Variants in INPP4B observed in about 807,000 individuals in gnomAD.
INPP4B encodes inositol polyphosphate 4-phosphatase type II.
Under a neutral mutation model 122.5 loss-of-function variants are expected in INPP4B, and 55 were observed. That is an observed-to-expected ratio of 0.45 (90% CI 0.36 to 0.56). The LOEUF is 0.56. INPP4B is among the 20% of genes least tolerant of loss of function. INPP4B has a pLI of 0.00. For synonymous variants in INPP4B, 403 were observed against 388.7 expected, an observed-to-expected ratio of 1.04 and a Z score of -0.43; for missense variants, 1,000 against 1,097.7, an observed-to-expected ratio of 0.91 and a Z score of 1.26.
chr4:142,073,272 T>C (rs1206750493), intron 25 of INPP4B, among the ~76,000 whole-genome samples: 1 of 152,190 alleles, frequency 6.6e-6, no homozygotes, highest in South Asian at 2.1e-4. Context: ...TTTTTGCTCA[T>C]AGGGCTTTAG....
At chr4:142,673,369 G>A (rs187731468) in intron 2 of INPP4B, among the ~76,000 whole-genome samples, 7 of 151,680 alleles carry the variant, frequency 4.6e-5, no homozygotes, top group Admixed American at 3.9e-4. Context: ...ATTAGCCTAT[G>A]AGTGTTGCTA....
Position 142,173,669 on chromosome 4 carries a change from T to C in INPP4B, c.1322A>G (p.Asp441Gly), listed in dbSNP as rs749810647. Reference sequence around the variant, plus strand: ...CATCTTTAAAGAATTCTTCAAGCTGTCTGGAGAATGCTGGCTTGCAGAATT... The same window carrying C: ...CATCTTTAAAGAATTCTTCAAGCTGCCTGGAGAATGCTGGCTTGCAGAATT... ...LLNSASQHSPDSLKNSLKMLS... is the reference protein window; with the variant it reads ...LLNSASQHSPGSLKNSLKMLS... Residue 441 changes from aspartate to glycine, a missense_variant, in exon 16 of 26, where the codon GAC becomes GGC. By Grantham distance (94) the Asp-to-Gly change is moderately conservative. Coordinates refer to ENST00000262992, the MANE Select transcript of INPP4B (RefSeq NM_001101669.3). 6.2e-7 allele frequency: 1 copy of C among 1,612,934 alleles called. No individual in the cohort carries two copies. Among genetic ancestry groups the C allele is most frequent in the African/African-American group, 1.3e-5 (1 of 74,860 alleles).
chr4:142,818,553 C>A (rs893464217), intron 1 of INPP4B, among the ~76,000 whole-genome samples: 4 of 152,058 alleles, frequency 2.6e-5, no homozygotes, highest in African/African-American at 9.7e-5. Flanking sequence ...ACTTCAAAAT[C>A]TTTATTATAA....
chr4:142,115,497 G>A (rs1011681372), intron 21 of INPP4B, among the ~76,000 whole-genome samples: 4 of 152,106 alleles, frequency 2.6e-5, no homozygotes, highest in Non-Finnish European at 4.4e-5. Context: ...AGATAGTGGG[G>A]GCCAATATTC....
chr4:142,260,632 A>C (rs895013014), intron 10 of INPP4B, 68 bp from the exon 11 acceptor site: 40 of 1,090,048 alleles, frequency 3.7e-5, no homozygotes, highest in Non-Finnish European at 5.0e-5. Context: ...ATATTATTTT[A>C]TTTGCAAAAC....
In INPP4B at chr4:142,118,260, C is replaced by A. The variant is rs185438882; in HGVS notation, c.2135+3868G>T. On this transcript the variant is annotated intron_variant, in intron 21 of 25. Coordinates refer to ENST00000262992, the MANE Select transcript of INPP4B (RefSeq NM_001101669.3). Reference sequence around the variant, plus strand: ...TTCAATGCCAACCCCATCAAGCTACCAATGACTTTCTTCACAGAATTGGAA... The same window carrying A: ...TTCAATGCCAACCCCATCAAGCTACAAATGACTTTCTTCACAGAATTGGAA... 9.3e-3 allele frequency among the ~76,000 whole-genome samples: 1,415 copies of A among 151,922 alleles called. 23 individuals carry two copies. Among genetic ancestry groups the A allele is most frequent in the African/African-American group, 0.033 (1,356 of 41,226 alleles).
intron 25 of INPP4B, 103 bp from the exon 26 acceptor site, chr4:142,029,017 A>T: frequency 6.8e-7 from 1 of 1,462,694 alleles, no homozygotes; most frequent in Non-Finnish European, 9.0e-7. Context: ...TAAAAATAAC[A>T]AAGATTCAAC....
intron 21 of INPP4B, among the ~76,000 whole-genome samples, chr4:142,113,805 C>T (rs954630554): frequency 6.6e-6 from 1 of 151,838 alleles, no homozygotes; most frequent in African/African-American, 2.4e-5. Context: ...GATAATTTTA[C>T]CAGCTTTATT....
chr4:142,736,125 T>C (rs1158487102), intron 1 of INPP4B, among the ~76,000 whole-genome samples: 1 of 152,172 alleles, frequency 6.6e-6, no homozygotes, highest in Non-Finnish European at 1.5e-5. Flanking sequence ...TAGAGTTCGT[T>C]AGAAATACAG....
At chr4:142,244,561 C>T (rs1726928312) in intron 11 of INPP4B, among the ~76,000 whole-genome samples, 1 of 152,054 alleles carries the variant, frequency 6.6e-6, no homozygotes, top group Non-Finnish European at 1.5e-5. Flanking sequence ...CCTCAGCCTC[C>T]CAAAGTGCTG....
At chr4:142,226,860 T>C (rs1851817052) in intron 12 of INPP4B, among the ~76,000 whole-genome samples, 1 of 152,212 alleles carries the variant, frequency 6.6e-6, no homozygotes, top group Non-Finnish European at 1.5e-5. Flanking sequence ...GGACATGTTC[T>C]ACACTCCTAC....
chr4:142,319,084 G>A (rs1461110754), intron 7 of INPP4B, among the ~76,000 whole-genome samples: 1 of 152,162 alleles, frequency 6.6e-6, no homozygotes, highest in Non-Finnish European at 1.5e-5. Context: ...AATGCTAGGA[G>A]TCTGTTGGAG....
chr4:142,349,422 A>G (rs1781292258), intron 7 of INPP4B, among the ~76,000 whole-genome samples: 1 of 152,046 alleles, frequency 6.6e-6, no homozygotes. Flanking sequence ...CTACTTTATT[A>G]TAGTAGCTTA....
intron 7 of INPP4B, among the ~76,000 whole-genome samples, chr4:142,335,304 T>C (rs888187694): frequency 2.0e-5 from 3 of 152,116 alleles, no homozygotes; most frequent in African/African-American, 7.2e-5. Context: ...TGATTCCTAA[T>C]ATTTACTTGG....
intron 2 of INPP4B, among the ~76,000 whole-genome samples, chr4:142,491,521 G>C (rs1821873180): frequency 6.6e-6 from 1 of 152,144 alleles, no homozygotes; most frequent in South Asian, 2.1e-4. Context: ...GCCAGACATG[G>C]TGGCACACAG....
At chr4:142,392,067 G>A (rs1249517358) in intron 7 of INPP4B, among the ~76,000 whole-genome samples, 1 of 152,190 alleles carries the variant, frequency 6.6e-6, no homozygotes, top group Non-Finnish European at 1.5e-5. Flanking sequence ...CAAATCTTCT[G>A]AGAATATCAG....
At chr4:142,726,433 G>T (rs1765356366) in intron 1 of INPP4B, among the ~76,000 whole-genome samples, 4 of 152,184 alleles carry the variant, frequency 2.6e-5, no homozygotes, top group Admixed American at 2.6e-4. Context: ...TTCCTTATGA[G>T]ATGTAATTTC....
intron 2 of INPP4B, among the ~76,000 whole-genome samples, chr4:142,582,232 T>C (rs142141970): frequency 6.6e-6 from 1 of 151,954 alleles, no homozygotes; most frequent in African/African-American, 2.4e-5. Flanking sequence ...GGCTATAGGT[T>C]GTAAAAAAGT....
chr4:142,788,115 G>A (rs867774327), intron 1 of INPP4B, among the ~76,000 whole-genome samples: 5 of 151,964 alleles, frequency 3.3e-5, no homozygotes, highest in South Asian at 2.1e-4. Context: ...CCCATGTGGC[G>A]CAGAGCATAG....
Sources: gnomAD v4.1 joint callset for allele counts (sites outside exome capture counted in the v4.1 genomes callset) on GRCh38, gnomAD v4.1.1 for gene constraint, MANE v1.5 for transcripts, NCBI Gene and HGNC (gene_info 2026-07-23, HGNC 2026-07-21) for gene names.